The following HAUS6 variants were observed in gnomAD, a reference collection of about 807,000 sequenced individuals.
HAUS6 encodes HAUS augmin like complex subunit 6.
Under a neutral mutation model 106.8 loss-of-function variants are expected in HAUS6, and 80 were observed. That is an observed-to-expected ratio of 0.75 (90% CI 0.63 to 0.90). The LOEUF is 0.90. HAUS6 is among the 40% of genes least tolerant of loss of function. The probability of loss-of-function intolerance (pLI) is 0.00; values close to 1 mark genes in which losing one functional copy is unlikely to be tolerated. For missense variants in HAUS6, 1,155 were observed against 1,118.1 expected (o/e 1.03, Z -0.47); for synonymous variants, 356 against 379.1 (o/e 0.94, Z 0.71).
chr9:19,058,857 G>A lies in HAUS6; in HGVS notation c.1910C>T (p.Ala637Val). The change falls in exon 16 of 17, where the codon GCT becomes GTT. Residue 637 changes from alanine to valine, a missense_variant. By Grantham distance (64) the Ala-to-Val change is moderately conservative. This residue lies in a region of HAUS6 where 380 missense variants were observed against 394.8 expected (regional missense o/e 0.96). Transcript: ENST00000380502. ...VLHNQREFSM[A>V]DFLLETTVSD... ...TACAGTGGTTTCTAAGAGAAAATCA[G>A]CCATGCTAAATTCTCTTTGATTGTG... The A allele has an allele frequency of 6.2e-7, 1 of 1,613,828 alleles. No individual in the cohort carries two copies. The highest frequency in any genetic ancestry group is 8.5e-7 in the Non-Finnish European group (1 of 1,179,738).
At chr9:19,064,737 CTT>C (rs1272760224) in intron 12 of HAUS6, among the ~76,000 whole-genome samples, 1 of 152,180 alleles carries the variant, frequency 6.6e-6, no homozygotes, top group Non-Finnish European at 1.5e-5. Flanking sequence ...AATATGCACT[CTT>C]AGAGTCTTTG....
In HAUS6 at chr9:19,067,243, A is replaced by G. The variant is rs138171130; in HGVS notation, c.1376+2976T>C. On this transcript the variant is annotated intron_variant, in intron 12 of 16. Coordinates refer to ENST00000380502, the MANE Select transcript of HAUS6 (RefSeq NM_017645.5). ...TAAAATAGTGTAATTGCTGAACTACATGCAAAAAAGGTATTATCTTCTTTC... is the reference window on the plus strand; with the variant it reads ...TAAAATAGTGTAATTGCTGAACTACGTGCAAAAAAGGTATTATCTTCTTTC... 5.2e-3 allele frequency among the ~76,000 whole-genome samples: 789 copies of G among 152,324 alleles called. 4 individuals carry two copies. The highest frequency in any genetic ancestry group is 0.018 in the African/African-American group (760 of 41,568).
At position 19,074,739 on chromosome 9, in the gene HAUS6, C is replaced by A. The variant is rs560580649; in HGVS notation, c.1294+1863G>T. 2.6e-5 allele frequency among the ~76,000 whole-genome samples: 4 copies of A among 152,242 alleles called. No individual in the cohort carries two copies. In the East Asian group the frequency reaches 5.8e-4, roughly 22 times the overall value. On this transcript the variant is annotated intron_variant, in intron 11 of 16. Coordinates refer to ENST00000380502, the MANE Select transcript of HAUS6 (RefSeq NM_017645.5). ...TGCTAACTGCTGTCATGACCTTTCACCTAACTGAACTACAGCCTACAACTA... is the reference window on the plus strand; with the variant it reads ...TGCTAACTGCTGTCATGACCTTTCAACTAACTGAACTACAGCCTACAACTA...
chr9:19,075,775 G>A (rs1420149486), intron 11 of HAUS6, among the ~76,000 whole-genome samples: 1 of 151,848 alleles, frequency 6.6e-6, no homozygotes, highest in Non-Finnish European at 1.5e-5. Context: ...CCAACATGGT[G>A]AAACTCCGTC....
intron 2 of HAUS6, among the ~76,000 whole-genome samples, chr9:19,096,416 T>C (rs907020355): frequency 1.3e-5 from 2 of 151,876 alleles, no homozygotes; most frequent in African/African-American, 4.8e-5. Context: ...AATGCAAAAC[T>C]TAGCTAGGCG....
In HAUS6 at chr9:19,089,479, G is replaced by A. The variant is rs180922782; in HGVS notation, c.517C>T (p.Arg173Cys). 8.1e-6 allele frequency: 13 copies of A among 1,610,700 alleles called. No individual in the cohort carries two copies. Among genetic ancestry groups the A allele is most frequent in the East Asian group, 2.2e-5 (1 of 44,858 alleles). The change falls in exon 5 of 17, where the codon CGT (arginine) becomes TGT (cysteine). Residue 173 changes from arginine (R) to cysteine (C), a missense_variant. This residue lies in a region of HAUS6 where 761 missense variants were observed against 690.0 expected (regional missense o/e 1.10). Coordinates refer to ENST00000380502, the MANE Select transcript of HAUS6 (RefSeq NM_017645.5). ...TGCAAAATTTGTAAAAATCTGCTACGTGCGAAATGGCATCTGGCAATGCAT... is the reference window on the plus strand; with the variant it reads ...TGCAAAATTTGTAAAAATCTGCTACATGCGAAATGGCATCTGGCAATGCAT... The part of the protein sequence containing the change: ...HKCIARCHFA[R>C]SRFLQILQRQ...
rs373622567 is a variant in HAUS6, at chr9:19,078,285, T to C, written c.1082A>G (p.Asp361Gly). Residue 361 changes from aspartate to glycine, a missense_variant, in exon 10 of 17, where the codon GAT becomes GGT. By Grantham distance (94) the Asp-to-Gly change is moderately conservative. This residue lies in a region of HAUS6 where 761 missense variants were observed against 690.0 expected (regional missense o/e 1.10). Transcript: ENST00000380502. ...AACAGAATGTCTTATAGTTGTGAGA[T>C]CATCTTTTATTCTATACCTATAATA... ...LKHMRYRIKD[D>G]LTTIRHSVVE... The C allele has an allele frequency of 1.3e-6, 2 of 1,492,368 alleles. No homozygotes were observed. Among genetic ancestry groups the C allele is most frequent in the Admixed American group, 1.7e-5 (1 of 59,476 alleles). The allele number at this position is 1,492,368 out of a possible 1,614,324, so 92.4% of individuals were successfully genotyped here.
chr9:19,067,390 C>T (rs374158078), intron 12 of HAUS6, among the ~76,000 whole-genome samples: 1 of 152,106 alleles, frequency 6.6e-6, no homozygotes, highest in African/African-American at 2.4e-5. Context: ...TTTCACAGGC[C>T]TTCTGTTTTA....
intron 5 of HAUS6, among the ~76,000 whole-genome samples, chr9:19,088,134 G>C (rs1281477438): frequency 1.3e-5 from 2 of 152,218 alleles, no homozygotes; most frequent in East Asian, 3.8e-4. Flanking sequence ...TAATACACTG[G>C]TAGGGTACAG....
At chr9:19,059,916 C>A in intron 15 of HAUS6, 172 bp downstream of exon 15, 1 of 498,328 alleles carries the variant, frequency 2.0e-6, no homozygotes, top group Non-Finnish European at 3.6e-6. Context: ...ACTGAAGGCA[C>A]AAAATACTGC....
chr9:19,099,221 C>G (rs2131160029), intron 1 of HAUS6, among the ~76,000 whole-genome samples: 1 of 149,778 alleles, frequency 6.7e-6, no homozygotes, highest in South Asian at 2.1e-4. Flanking sequence ...GGCTGGAGTG[C>G]AGCGGCGCGA....
In HAUS6 at chr9:19,089,629, A is replaced by G. The variant is rs929670476; in HGVS notation, c.437-70T>C. 25 of 1,146,266 alleles carry G rather than the reference A, an allele frequency of 2.2e-5. No homozygotes were observed. The African/African-American group carries it at 2.9e-4, about 13-fold the overall frequency. The allele number at this position is 1,146,266 out of a possible 1,614,324, so 71.0% of individuals were successfully genotyped here. A position where few individuals can be genotyped will look rare whatever the true frequency, so the allele number is the denominator to read the frequency against. On this transcript the variant is annotated intron_variant, in intron 4 of 16. Coordinates refer to ENST00000380502, the MANE Select transcript of HAUS6 (RefSeq NM_017645.5). ...TAGTAGTGGGTTATCAGAAATGAAC[A>G]TTAGTGTCACTAACGTTGGTGGTAT... is the stretch of plus-strand genomic sequence containing the variant.
intron 12 of HAUS6, among the ~76,000 whole-genome samples, chr9:19,064,590 A>C (rs568851771): frequency 6.6e-6 from 1 of 152,152 alleles, no homozygotes. Context: ...TCTAGTTACT[A>C]TAAGACAGGA....
chr9:19,097,093 A>G (rs1192859394), intron 1 of HAUS6, among the ~76,000 whole-genome samples: 1 of 152,230 alleles, frequency 6.6e-6, no homozygotes, highest in Non-Finnish European at 1.5e-5. Flanking sequence ...CTGAATAACA[A>G]TAAATAGCTA....
At chr9:19,060,913 G>C (rs1029081490) in intron 14 of HAUS6, among the ~76,000 whole-genome samples, 3 of 152,220 alleles carry the variant, frequency 2.0e-5, no homozygotes, top group African/African-American at 7.2e-5. Flanking sequence ...TGTAATCCCA[G>C]CACTTTGGGA....
In HAUS6 at chr9:19,080,490, C is replaced by T. The variant is rs139958507; in HGVS notation, c.1053G>A (p.Leu351=). The T allele has an allele frequency of 1.2e-6, 2 of 1,603,606 alleles. No individual in the cohort carries two copies. Among genetic ancestry groups the T allele is most frequent in the South Asian group, 1.1e-5 (1 of 90,828 alleles). The change falls in exon 9 of 17, where the codon CTG becomes CTA. Residue 351 remains leucine, a synonymous_variant. Transcript: ENST00000380502. The part of the protein sequence containing the change: ...TKFQKERLSD[L]KHMRYRIKDD... ...TCTTTTTAGTGTACCTCATATGTTT[C>T]AGATCTGATAATCTTTCCTTCTGAA...
At chr9:19,092,535 A>T (rs1255080548) in intron 4 of HAUS6, among the ~76,000 whole-genome samples, 1 of 150,558 alleles carries the variant, frequency 6.6e-6, no homozygotes, top group Non-Finnish European at 1.5e-5. Flanking sequence ...GAATCGCTTG[A>T]ACCCAGGAGG....
At chr9:19,074,141 G>T (rs901146922) in intron 11 of HAUS6, among the ~76,000 whole-genome samples, 4 of 152,024 alleles carry the variant, frequency 2.6e-5, no homozygotes, top group African/African-American at 9.7e-5. Context: ...CAGCTACTGG[G>T]GAGGCTGAGG....
chr9:19,060,042 T>C (rs763216646), intron 15 of HAUS6, 46 bp downstream of exon 15: 3 of 1,498,724 alleles, frequency 2.0e-6, no homozygotes, highest in South Asian at 2.4e-5. Context: ...CTAACAGTGG[T>C]TATGTCGATG....
Sources: allele counts gnomAD v4.1 joint callset (sites outside exome capture counted in the v4.1 genomes callset), GRCh38; gene constraint gnomAD v4.1.1; regional missense constraint gnomAD v4.1.1; transcripts MANE v1.5; gene names NCBI Gene and HGNC (gene_info 2026-07-23, HGNC 2026-07-21).